The following PPP2R2D variants were observed in gnomAD, a reference collection of about 807,000 sequenced individuals.
PPP2R2D encodes protein phosphatase 2 regulatory subunit Bdelta.
A neutral mutation model predicts 31.1 loss-of-function variants in PPP2R2D; 9 were observed. The ratio of observed to expected loss-of-function variants is 0.29; its 90% confidence interval spans 0.17 to 0.51. The LOEUF is 0.51. Ranked by LOEUF, PPP2R2D falls within the 20% of genes least tolerant of loss-of-function variation. The pLI, the probability that PPP2R2D is intolerant of heterozygous loss-of-function variation, is 0.98. For synonymous variants in PPP2R2D, 179 were observed against 172.6 expected, an observed-to-expected ratio of 1.04 and a Z score of -0.29; for missense variants, 391 against 465.6, an observed-to-expected ratio of 0.84 and a Z score of 1.48.
chr10:131,928,115 A>G (rs768492861), intron 2 of PPP2R2D, among the ~76,000 whole-genome samples: 11 of 152,202 alleles, frequency 7.2e-5, no homozygotes, highest in Non-Finnish European at 1.5e-4. Context: ...TGTGAGTGTG[A>G]CATTGCAGGG....
downstream of PPP2R2D, among the ~76,000 whole-genome samples, chr10:131,961,044 G>A (rs1354592750): frequency 3.9e-5 from 6 of 152,172 alleles, no homozygotes; most frequent in Non-Finnish European, 8.8e-5. Flanking sequence ...GAAGCTGTCC[G>A]TGAGCTGGTG....
chr10:131,934,250 C>T (rs569428920), intron 2 of PPP2R2D, among the ~76,000 whole-genome samples: 6 of 152,284 alleles, frequency 3.9e-5, no homozygotes, highest in Admixed American at 1.3e-4. Context: ...GAGTAAAACT[C>T]GCCCATTCAC....
At chr10:131,948,019 T>C (rs558117164) in intron 8 of PPP2R2D, among the ~76,000 whole-genome samples, 26 of 152,348 alleles carry the variant, frequency 1.7e-4, no homozygotes, top group African/African-American at 6.3e-4. Context: ...ACAAGAAGTA[T>C]AGCACTAGGT....
At chr10:131,929,849 T>G (rs1417718540) in intron 2 of PPP2R2D, among the ~76,000 whole-genome samples, 2 of 152,182 alleles carry the variant, frequency 1.3e-5, no homozygotes, top group African/African-American at 4.8e-5. Context: ...GAATGTCCTT[T>G]AAACCTGGGA....
At position 131,940,579 on chromosome 10, in the gene PPP2R2D, C is replaced by A; in HGVS notation, c.365-3C>A. On this transcript the variant is annotated splice_polypyrimidine_tract_variant and splice_region_variant and intron_variant, in intron 4 of 8. Transcript: ENST00000455566. ...ATATGGAGAATGAGGTTTTTATTTT[C>A]AGATAAAACTATAAAATTATGGAAA... is the stretch of plus-strand genomic sequence containing the variant. The A allele has an allele frequency of 1.3e-6, 1 of 745,638 alleles. No homozygotes were observed. Among genetic ancestry groups the A allele is most frequent in the South Asian group, 1.5e-5 (1 of 68,536 alleles). The allele number at this position is 745,638 out of a possible 1,614,324, so 46.2% of individuals were successfully genotyped here. A position where few individuals can be genotyped will look rare whatever the true frequency, so the allele number is the denominator to read the frequency against.
rs781981250 is a variant in PPP2R2D at position 131,947,648 on chromosome 10, G to T, written c.939G>T (p.Ser313=). The T allele has an allele frequency of 6.2e-7, 1 of 1,614,086 alleles. No individual in the cohort carries two copies. The highest frequency in any genetic ancestry group is 1.3e-5 in the African/African-American group (1 of 74,944). The stretch of plus-strand genomic sequence containing the variant: ...ACATGATGACCAGAGACTACCTGTC[G>T]GTGAAGGTGTGGGACCTCAACATGG... ...GRYMMTRDYL[S]VKVWDLNMES... is the part of the protein sequence containing the mutation. Residue 313 remains serine (S), a synonymous_variant, in exon 8 of 9, where the codon TCG becomes TCT. Transcript: ENST00000455566. This position sits in a 1 kb window ranked among gnomAD's most constrained non-coding sequence, Gnocchi z 4.3.
rs1554893866 is a variant in PPP2R2D, at chr10:131,919,338, G to C, written c.101-15120G>C. On this transcript the variant is annotated intron_variant, in intron 2 of 8. Transcript: ENST00000455566. ...ACAGTCTTTGTAGGGACCTCAGGCG[G>C]GTGGAATGACAGTGTAGGGACCTCA... Among the ~76,000 whole-genome samples, 2 of 116,744 alleles carry C rather than the reference G, an allele frequency of 1.7e-5. 1 individual carries two copies. The highest frequency in any genetic ancestry group is 3.5e-5 in the Non-Finnish European group (2 of 56,344). The allele number at this position is 116,744 out of a possible 152,430, so 76.6% of individuals were successfully genotyped here.
chr10:131,909,361 ACT>A (rs1222939075), intron 2 of PPP2R2D, among the ~76,000 whole-genome samples: 3 of 152,192 alleles, frequency 2.0e-5, no homozygotes, highest in African/African-American at 7.2e-5. Flanking sequence ...TAACAAGGTC[ACT>A]CTGCCCTTTG....
chr10:131,917,167 G>A (rs2035816404), intron 2 of PPP2R2D, among the ~76,000 whole-genome samples: 1 of 146,274 alleles, frequency 6.8e-6, no homozygotes, highest in African/African-American at 2.5e-5. Flanking sequence ...TCAGGCGGGT[G>A]GAATGACACA....
At chr10:131,934,386 TATTA>T in intron 2 of PPP2R2D, 68 bp from the exon 3 acceptor site, 2 of 712,852 alleles carry the variant, frequency 2.8e-6, no homozygotes, top group South Asian at 3.1e-5. Context: ...TGCTCTTTTT[TATTA>T]ATTTTTTGGT....
intron 6 of PPP2R2D, among the ~76,000 whole-genome samples, chr10:131,944,467 TAATG>T (rs2036499358): frequency 6.6e-6 from 1 of 152,120 alleles, no homozygotes; most frequent in Non-Finnish European, 1.5e-5. Flanking sequence ...CTAAATTTGC[TAATG>T]AATAATAGAA....
At chr10:131,929,628 C>A (rs2036175697) in intron 2 of PPP2R2D, among the ~76,000 whole-genome samples, 1 of 152,134 alleles carries the variant, frequency 6.6e-6, no homozygotes, top group African/African-American at 2.4e-5. Context: ...AACAGTGCAG[C>A]CTGAGGGGCT....
chr10:131,937,613 G>C (rs944687400), intron 3 of PPP2R2D, among the ~76,000 whole-genome samples: 1 of 152,188 alleles, frequency 6.6e-6, no homozygotes, highest in Non-Finnish European at 1.5e-5. Context: ...AGAGAGACAA[G>C]CCTGCAGCCT....
Position 131,956,091 on chromosome 10 carries a change from A to G in PPP2R2D, c.*128A>G. ...ACCTGCTACTTCCCTTCACAGACACAGGAGAAAGCCGCCTCCGCTGGAGGC... is the reference window on the plus strand; with the variant it reads ...ACCTGCTACTTCCCTTCACAGACACGGGAGAAAGCCGCCTCCGCTGGAGGC... On this transcript the variant is annotated 3_prime_UTR_variant, in exon 9 of 9. Coordinates refer to ENST00000455566, the MANE Select transcript of PPP2R2D (RefSeq NM_018461.5). The G allele has an allele frequency of 7.9e-7, 1 of 1,269,828 alleles. No individual in the cohort carries two copies. 78.7% of individuals were successfully genotyped at this position (1,269,828 alleles called of 1,614,324 possible).
At chr10:131,930,328 C>A (rs2036198256) in intron 2 of PPP2R2D, among the ~76,000 whole-genome samples, 1 of 152,214 alleles carries the variant, frequency 6.6e-6, no homozygotes, top group Non-Finnish European at 1.5e-5. Flanking sequence ...CCTGAACGGC[C>A]ACTCTGAGGC....
chr10:131,931,778 C>T (rs2036233177), intron 2 of PPP2R2D, among the ~76,000 whole-genome samples: 1 of 152,176 alleles, frequency 6.6e-6, no homozygotes, highest in African/African-American at 2.4e-5. Flanking sequence ...CTGTGGTTGG[C>T]CATGTCCTTG....
In PPP2R2D at chr10:131,947,932, G is replaced by C. The variant is rs565790010; in HGVS notation, c.1082+141G>C. 7.8e-5 allele frequency: 79 copies of C among 1,017,376 alleles called. No individual in the cohort carries two copies. In the South Asian group the frequency reaches 1.3e-3, roughly 16 times the overall value. The allele number at this position is 1,017,376 out of a possible 1,614,324, so 63.0% of individuals were successfully genotyped here. A position where few individuals can be genotyped will look rare whatever the true frequency, so the allele number is the denominator to read the frequency against. On this transcript the variant is annotated intron_variant, in intron 8 of 8. Coordinates refer to ENST00000455566, the MANE Select transcript of PPP2R2D (RefSeq NM_018461.5). The surrounding 1 kb of genome is among the most constrained non-coding windows in gnomAD (Gnocchi z 4.3). ...TGTTTTCCAGACCTTTTGATTGATG[G>C]ATGATAGTATCAAGGTAGAGAAAAT... is the stretch of plus-strand genomic sequence containing the variant.
chr10:131,954,451 A>T (rs1298037932), intron 8 of PPP2R2D, among the ~76,000 whole-genome samples: 3 of 152,210 alleles, frequency 2.0e-5, no homozygotes, highest in Non-Finnish European at 4.4e-5. Flanking sequence ...AATGGCCCTC[A>T]CGTGCCAACT....
At chr10:131,970,577 C>T in the PPP2R2D span, 5 of 1,576,148 alleles carry the variant, frequency 3.2e-6, no homozygotes, top group Admixed American at 8.8e-5. The surrounding 1 kb of genome is among the most constrained non-coding windows in gnomAD (Gnocchi z 4.1). Flanking sequence ...GAATAAATCA[C>T]TGCAACCCAG....
Sources: allele counts gnomAD v4.1 joint callset (sites outside exome capture counted in the v4.1 genomes callset), GRCh38; gene constraint gnomAD v4.1.1; non-coding constraint Gnocchi (gnomAD v3.1); transcripts MANE v1.5; gene names NCBI Gene and HGNC (gene_info 2026-07-23, HGNC 2026-07-21).